The following NPHP4 variants were observed in gnomAD, a reference collection of about 807,000 sequenced individuals.
NPHP4 encodes nephrocystin 4.
A neutral mutation model predicts 155.8 loss-of-function variants in NPHP4; 151 were observed. The observed-to-expected ratio is 0.97, with a 90% confidence interval of 0.85 to 1.11. NPHP4 has a LOEUF of 1.11. Ranked by LOEUF, NPHP4 falls within the 50% of genes least tolerant of loss-of-function variation. The pLI is 0.00. For synonymous variants in NPHP4, 845 were observed against 816.8 expected, an observed-to-expected ratio of 1.03 and a Z score of -0.59; for missense variants, 1,956 against 1,925.7, an observed-to-expected ratio of 1.02 and a Z score of -0.29.
intron 6 of NPHP4, among the ~76,000 whole-genome samples, chr1:5,953,477 C>T (rs944314038): frequency 9.8e-5 from 15 of 152,354 alleles, no homozygotes; most frequent in African/African-American, 3.6e-4. Context: ...TGCGGCCCTG[C>T]AGCCTGCTGC....
At chr1:5,907,023 A>T in intron 13 of NPHP4, 92 bp downstream of exon 13, 1 of 622,230 alleles carries the variant, frequency 1.6e-6, no homozygotes, top group Non-Finnish European at 2.6e-6. Context: ...TCTGCCACCT[A>T]ACTAAGGACA....
intron 3 of NPHP4, among the ~76,000 whole-genome samples, chr1:5,975,561 T>C (rs1401180793): frequency 2.6e-5 from 4 of 152,158 alleles, no homozygotes; most frequent in Middle Eastern, 3.4e-3. Flanking sequence ...CCCGGGCCCA[T>C]CCCCAGCCTC....
intron 18 of NPHP4, among the ~76,000 whole-genome samples, chr1:5,885,151 C>T (rs1475478618): frequency 2.7e-5 from 4 of 147,680 alleles, no homozygotes; most frequent in South Asian, 2.2e-4. Context: ...AGCTCCCAGC[C>T]GAACCCCCAT....
intron 10 of NPHP4, among the ~76,000 whole-genome samples, chr1:5,928,865 G>T (rs957959860): frequency 2.0e-5 from 3 of 152,062 alleles, no homozygotes; most frequent in African/African-American, 7.2e-5. Context: ...GATCAATCTT[G>T]GGCAGAACTG....
intron 9 of NPHP4, among the ~76,000 whole-genome samples, chr1:5,941,289 C>CAAAAAAAAAAAAAAAAAAA (rs66676950): frequency 3.8e-3 from 169 of 44,708 alleles, no homozygotes; most frequent in Middle Eastern, 0.071. Context: ...GAGATCTAGA[C>CAAAAAAAAAAAAAAAAAAA]AAAAAAAAAA....
rs1256596821 is a variant in NPHP4, at chr1:5,907,134, T to C, written c.1592A>G (p.Gln531Arg). ...ACTTACTGCCTGGGCCGGGGAGGCC[T>C]GAGAGCCATGGGGTAGCTGTGAAGT... is the stretch of plus-strand genomic sequence containing the variant. ...RPTSQLPHGS[Q>R]ASPAQAQEFP... Residue 531 changes from glutamine (Q) to arginine (R), a missense_variant, in exon 13 of 30, where the codon CAG (glutamine) becomes CGG (arginine). Physicochemically the swap from Gln to Arg is conservative, Grantham distance 43 (BLOSUM62 1). Transcript: ENST00000378156. The C allele has an allele frequency of 1.3e-6, 2 of 1,557,098 alleles. No homozygotes were observed. The highest frequency in any genetic ancestry group is 1.7e-6 in the Non-Finnish European group (2 of 1,147,950).
At chr1:5,929,881 C>T (rs373039410) in intron 10 of NPHP4, among the ~76,000 whole-genome samples, 2 of 152,214 alleles carry the variant, frequency 1.3e-5, no homozygotes, top group East Asian at 3.9e-4. Flanking sequence ...ATAAAAGTGG[C>T]ATTATTTCTT....
intron 8 of NPHP4, 129 bp downstream of exon 8, chr1:5,947,941 C>A (rs1462617582): frequency 4.1e-6 from 3 of 729,898 alleles, no homozygotes; most frequent in Non-Finnish European, 7.0e-6. Flanking sequence ...GGCACAACTT[C>A]CAAGAGGAAA....
chr1:5,867,128 A>G lies in NPHP4; in HGVS notation c.3473-13T>C, dbSNP rs1378041637. The G allele has an allele frequency of 1.9e-6, 3 of 1,600,776 alleles. No individual in the cohort carries two copies. Among genetic ancestry groups the G allele is most frequent in the African/African-American group, 1.3e-5 (1 of 74,646 alleles). ...CCCACCGGAGCACCTGGAGCAGGGG[A>G]AATGTCAAAAAGAGTCTTCTCCACA... is the stretch of plus-strand genomic sequence containing the variant. On this transcript the variant is annotated splice_polypyrimidine_tract_variant and intron_variant, in intron 24 of 29. Transcript: ENST00000378156. This position sits in a 1 kb window ranked among gnomAD's most constrained non-coding sequence, Gnocchi z 4.1.
intron 19 of NPHP4, chr1:5,879,412 C>T (rs372494770): frequency 7.2e-6 from 3 of 417,994 alleles, no homozygotes; most frequent in Non-Finnish European, 1.4e-5. Context: ...AAACCCAGGT[C>T]TTCCTCTCCA....
intron 23 of NPHP4, among the ~76,000 whole-genome samples, chr1:5,870,902 T>TG (rs1326013222): frequency 6.6e-6 from 1 of 152,102 alleles, no homozygotes; most frequent in Non-Finnish European, 1.5e-5. Flanking sequence ...AGCAGGCTGG[T>TG]GGGGGCCACT....
chr1:5,970,544 G>A (rs1652373419), intron 3 of NPHP4, among the ~76,000 whole-genome samples: 2 of 152,120 alleles, frequency 1.3e-5, no homozygotes, highest in Admixed American at 1.3e-4. Flanking sequence ...ACAGTAGACA[G>A]AGATGAAGAC....
chr1:5,917,194 G>A (rs528882057), intron 11 of NPHP4, among the ~76,000 whole-genome samples: 2 of 151,914 alleles, frequency 1.3e-5, no homozygotes, highest in Admixed American at 1.3e-4. Context: ...CCCACACCAA[G>A]AAGGGTGTGT....
chr1:5,912,056 C>G (rs970166249), intron 11 of NPHP4, among the ~76,000 whole-genome samples: 1 of 152,184 alleles, frequency 6.6e-6, no homozygotes, highest in African/African-American at 2.4e-5. Context: ...GGTGAGCAGA[C>G]AGACGAGCAC....
rs758289978 is a variant in NPHP4, at chr1:5,905,401, G to C, written c.1846C>G (p.Pro616Ala). The C allele has an allele frequency of 1.7e-5, 27 of 1,613,458 alleles. No homozygotes were observed. In the Middle Eastern group the frequency reaches 4.9e-4, roughly 29 times the overall value. ...FPEILDANKQPAEAVSATEPV... is the reference protein window; with the variant it reads ...FPEILDANKQAAEAVSATEPV... ...TCTGTAGCGCTGACAGCCTCGGCTG[G>C]CTGTTTATTGGCATCCAGAATCTCG... Residue 616 changes from proline to alanine, a missense_variant, in exon 15 of 30, where the codon CCA becomes GCA. By Grantham distance (27) the Pro-to-Ala change is conservative. Coordinates refer to ENST00000378156, the MANE Select transcript of NPHP4 (RefSeq NM_015102.5). This position sits in a 1 kb window ranked among gnomAD's most constrained non-coding sequence, Gnocchi z 4.0.
intron 11 of NPHP4, among the ~76,000 whole-genome samples, chr1:5,914,286 A>AAAAAAAAAAAAAAAAAAAG (rs70977991): frequency 2.1e-5 from 3 of 139,874 alleles, no homozygotes; most frequent in African/African-American, 8.9e-5. Flanking sequence ...AAAAAAAAAA[A>AAAAAAAAAAAAAAAAAAAG]GGCCTGGTGT....
chr1:5,944,498 T>TTCA lies in NPHP4; in HGVS notation c.1119+2603_1119+2605dup, dbSNP rs1292986510. 1.3e-5 allele frequency among the ~76,000 whole-genome samples: 2 copies of TTCA among 152,196 alleles called. No homozygotes were observed. The highest frequency in any genetic ancestry group is 4.8e-5 in the African/African-American group (2 of 41,432). On this transcript the variant is annotated intron_variant, in intron 9 of 29. Transcript: ENST00000378156. This position sits in a 1 kb window ranked among gnomAD's most constrained non-coding sequence, Gnocchi z 4.3. ...CTCTCACGTCCCGCTCAATTCCAGTTTCACCCGGTGGATGCTTAACCCACT... is the reference window on the plus strand; with the variant it reads ...CTCTCACGTCCCGCTCAATTCCAGTTTCATCACCCGGTGGATGCTTAACCCACT...
chr1:5,913,372 A>T (rs539004795), intron 11 of NPHP4, among the ~76,000 whole-genome samples: 1 of 152,178 alleles, frequency 6.6e-6, no homozygotes, highest in African/African-American at 2.4e-5. Flanking sequence ...ACAAAGAAAA[A>T]CTTAGACTTC....
chr1:5,949,343 T>TACATACATACACACACACACACACAC, intron 7 of NPHP4, among the ~76,000 whole-genome samples: 1 of 140,896 alleles, frequency 7.1e-6, no homozygotes, highest in South Asian at 2.3e-4. Context: ...TTCACATACA[T>TACATACATACACACACACACACACAC]ACACACACAC....
Sources: gnomAD v4.1 joint callset for allele counts (sites outside exome capture counted in the v4.1 genomes callset) on GRCh38, gnomAD v4.1.1 for gene constraint, Gnocchi (gnomAD v3.1) non-coding constraint, MANE v1.5 for transcripts, NCBI Gene and HGNC (gene_info 2026-07-23, HGNC 2026-07-21) for gene names.